GABRG3: variants seen among roughly 807,000 people sequenced by gnomAD.
GABRG3 encodes the protein gamma-aminobutyric acid type A receptor subunit gamma3.
GABRG3 carries 25 observed loss-of-function variants against 48.8 expected under a neutral mutation model. The observed-to-expected ratio is 0.51, with a 90% CI of 0.37 to 0.72. The LOEUF (loss-of-function observed/expected upper bound fraction) is 0.72. Among genes scored for constraint, GABRG3 ranks in the 30% least tolerant of loss-of-function variants. The probability of loss-of-function intolerance (pLI) is 0.00; values close to 1 mark genes in which losing one functional copy is unlikely to be tolerated. For synonymous variants in GABRG3, 227 were observed against 217.6 expected (o/e 1.04, Z -0.38); for missense variants, 394 against 577.9 (o/e 0.68, Z 3.26).
At chr15:27,273,306 AC>A (rs1186004418) in intron 3 of GABRG3, among the ~76,000 whole-genome samples, 1 of 152,240 alleles carries the variant, frequency 6.6e-6, no homozygotes, top group Non-Finnish European at 1.5e-5. Context: ...CAGCAAAGAA[AC>A]TGAACAGTCA....
At chr15:27,337,793 A>G (rs1260655129) in intron 5 of GABRG3, among the ~76,000 whole-genome samples, 1 of 152,220 alleles carries the variant, frequency 6.6e-6, no homozygotes, top group East Asian at 1.9e-4. Flanking sequence ...AAAAAGCCAT[A>G]AAATCTATGC....
intron 3 of GABRG3, among the ~76,000 whole-genome samples, chr15:27,082,941 A>G (rs1456347356): frequency 6.6e-6 from 1 of 152,176 alleles, no homozygotes; most frequent in East Asian, 1.9e-4. Flanking sequence ...CTTGGCTTCT[A>G]CTACAGAATT....
intron 5 of GABRG3, among the ~76,000 whole-genome samples, chr15:27,423,636 C>T (rs546317524): frequency 6.6e-6 from 1 of 150,714 alleles, no homozygotes; most frequent in South Asian, 2.1e-4. Flanking sequence ...GCCTTGACCT[C>T]CTGAGTTCAA....
At chr15:27,465,407 A>G (rs1273238419) in intron 5 of GABRG3, among the ~76,000 whole-genome samples, 2 of 152,218 alleles carry the variant, frequency 1.3e-5, no homozygotes, top group Admixed American at 1.3e-4. Flanking sequence ...CTCAGGGAAC[A>G]CAATTGGAAA....
chr15:27,094,749 A>G (rs1595521156), intron 3 of GABRG3, among the ~76,000 whole-genome samples: 2 of 152,216 alleles, frequency 1.3e-5, no homozygotes, highest in African/African-American at 4.8e-5. Context: ...TGCTTTGTGC[A>G]GCATAAACTC....
intron 5 of GABRG3, among the ~76,000 whole-genome samples, chr15:27,478,048 CA>C (rs71132811): frequency 0.056 from 5,125 of 91,818 alleles, 154 homozygotes; most frequent in East Asian, 0.22. Flanking sequence ...CTCCATGTCA[CA>C]AAAAAAAAAA....
intron 5 of GABRG3, among the ~76,000 whole-genome samples, chr15:27,474,193 A>G (rs59132499): frequency 0.15 from 22,241 of 152,166 alleles, 1,925 homozygotes; most frequent in African/African-American, 0.24. Context: ...TTCTTCTTCA[A>G]AAATTTGGTG....
rs571994494 is a variant in GABRG3 at position 27,002,533 on chromosome 15, CT to C, written c.203-24218del. 3.2e-3 allele frequency among the ~76,000 whole-genome samples: 492 copies of C among 151,890 alleles called. 3 individuals carry two copies. The highest frequency in any genetic ancestry group is 0.017 in the Middle Eastern group (5 of 294). On this transcript the variant is annotated intron_variant, in intron 2 of 9. Coordinates refer to ENST00000615808, the MANE Select transcript of GABRG3 (RefSeq NM_033223.5). ...TTTTAGTGCAGCATTTCATTTTTTT[CT>C]TTAGATATTATTTTTATTTTTAAGC...
chr15:27,040,214 G>A (rs931860353), intron 3 of GABRG3, among the ~76,000 whole-genome samples: 1 of 152,230 alleles, frequency 6.6e-6, no homozygotes, highest in Non-Finnish European at 1.5e-5. Flanking sequence ...CAGGTGCTGA[G>A]CTGCCAGGCT....
chr15:27,327,647 G>A (rs987579352), intron 4 of GABRG3, among the ~76,000 whole-genome samples: 5 of 152,128 alleles, frequency 3.3e-5, no homozygotes, highest in Non-Finnish European at 7.4e-5. Flanking sequence ...CTGTCTGCTC[G>A]CCCAGCACAG....
chr15:27,234,842 G>T lies in GABRG3; in HGVS notation c.271-91967G>T, dbSNP rs1395110089. On this transcript the variant is annotated intron_variant, in intron 3 of 9. Transcript: ENST00000615808. ...ATCTACTCCAAAGCAGGCCTGTGTT[G>T]TCAAGGACCTGCTGCCCAGATGGTG... Among the ~76,000 whole-genome samples the T allele has an allele frequency of 2.6e-5, 4 of 152,152 alleles. No homozygotes were observed. In the East Asian group the frequency reaches 7.7e-4, roughly 29 times the overall value.
At chr15:27,045,467 C>T (rs747772328) in intron 3 of GABRG3, among the ~76,000 whole-genome samples, 3 of 152,204 alleles carry the variant, frequency 2.0e-5, no homozygotes, top group African/African-American at 2.4e-5. Context: ...TTTCCCTTTC[C>T]GGTGTGCACC....
At chr15:27,229,221 C>T (rs1889720151) in intron 3 of GABRG3, among the ~76,000 whole-genome samples, 1 of 152,140 alleles carries the variant, frequency 6.6e-6, no homozygotes, top group South Asian at 2.1e-4. Flanking sequence ...GTCTTCAATC[C>T]ATCTTGAGTT....
intron 5 of GABRG3, among the ~76,000 whole-genome samples, chr15:27,479,345 C>T (rs1345041019): frequency 6.6e-6 from 1 of 152,218 alleles, no homozygotes. Flanking sequence ...GGCTCTGGGT[C>T]CCTTGAGCTT....
intron 3 of GABRG3, among the ~76,000 whole-genome samples, chr15:27,251,117 G>A (rs1360330516): frequency 1.3e-5 from 2 of 152,164 alleles, no homozygotes; most frequent in Admixed American, 6.5e-5. Flanking sequence ...ACTAGTGACT[G>A]GGAAGGTCAA....
intron 3 of GABRG3, among the ~76,000 whole-genome samples, chr15:27,116,463 A>G (rs945698925): frequency 3.3e-5 from 5 of 152,140 alleles, no homozygotes; most frequent in African/African-American, 1.2e-4. Flanking sequence ...CTATCTACCT[A>G]TGTCATCCAA....
intron 6 of GABRG3, among the ~76,000 whole-genome samples, chr15:27,508,711 G>T (rs1190922416): frequency 6.6e-6 from 1 of 151,010 alleles, no homozygotes; most frequent in Non-Finnish European, 1.5e-5. Flanking sequence ...TTTTGTTGTT[G>T]TTGCTGTTGT....
chr15:27,295,160 A>C (rs1891938439), intron 3 of GABRG3: 1 of 152,222 alleles, frequency 6.6e-6, no homozygotes, highest in Non-Finnish European at 1.5e-5. Context: ...GAAACCCATC[A>C]AAAGTCACTG....
At chr15:27,473,020 C>T (rs558539115) in intron 5 of GABRG3, among the ~76,000 whole-genome samples, 2 of 152,124 alleles carry the variant, frequency 1.3e-5, no homozygotes, top group Admixed American at 1.3e-4. Context: ...TGATGGATTC[C>T]GTTAACTATC....
Sources: allele counts gnomAD v4.1 joint callset (sites outside exome capture counted in the v4.1 genomes callset), GRCh38; gene constraint gnomAD v4.1.1; transcripts MANE v1.5; gene names NCBI Gene and HGNC (gene_info 2026-07-23, HGNC 2026-07-21).